Variants in PPP1R9A observed in about 807,000 individuals in gnomAD.
The protein encoded by PPP1R9A is neurabin-1.
PPP1R9A carries 59 observed loss-of-function variants against 141.9 expected under a neutral mutation model. The observed-to-expected ratio is 0.42, with a 90% CI of 0.34 to 0.52. The LOEUF is 0.52. PPP1R9A is among the 20% of genes least tolerant of loss of function. The pLI is 0.10. For missense variants in PPP1R9A, 1,444 were observed against 1,611.9 expected, an observed-to-expected ratio of 0.90 and a Z score of 1.78; for synonymous variants, 500 against 569.7, an observed-to-expected ratio of 0.88 and a Z score of 1.74.
intron 2 of PPP1R9A, among the ~76,000 whole-genome samples, chr7:95,090,866 A>G (rs1453236333): frequency 6.6e-6 from 1 of 152,024 alleles, no homozygotes; most frequent in African/African-American, 2.4e-5. Context: ...TATGATGTCT[A>G]TATGTATTTA....
intron 7 of PPP1R9A, among the ~76,000 whole-genome samples, chr7:95,215,891 G>C (rs1793288566): frequency 6.6e-6 from 1 of 152,136 alleles, no homozygotes; most frequent in Admixed American, 6.5e-5. Flanking sequence ...CAGATGAGTA[G>C]ATTGCAAAAA....
intron 2 of PPP1R9A, among the ~76,000 whole-genome samples, chr7:94,916,721 AGT>A (rs143062782): frequency 0.011 from 1,682 of 152,298 alleles, 32 homozygotes; most frequent in African/African-American, 0.039. Context: ...TTCTTTTGCA[AGT>A]GTAAATTAAT....
chr7:95,013,879 T>C (rs183717605), intron 2 of PPP1R9A, among the ~76,000 whole-genome samples: 1 of 152,266 alleles, frequency 6.6e-6, no homozygotes, highest in East Asian at 1.9e-4. Flanking sequence ...ATTTCAGATT[T>C]AAAGAAAGAT....
chr7:95,281,960 T>C (rs1470281274), intron 16 of PPP1R9A, among the ~76,000 whole-genome samples: 2 of 152,294 alleles, frequency 1.3e-5, no homozygotes, highest in Non-Finnish European at 2.9e-5. Flanking sequence ...TACCCAATTA[T>C]AAGAGTATGG....
intron 4 of PPP1R9A, among the ~76,000 whole-genome samples, chr7:95,144,936 C>T (rs923347122): frequency 1.3e-5 from 2 of 152,160 alleles, no homozygotes; most frequent in Admixed American, 1.3e-4. Context: ...GTATTTTACA[C>T]ACTAACAGTG....
At position 94,929,249 on chromosome 7, in the gene PPP1R9A, G is replaced by C. The variant is rs547738053; in HGVS notation, c.1395+17741G>C. ...TACATATTAGAATACATCTCCCAAGGAGCTTGAATTCGCTTGGGAGAGACG... is the reference window on the plus strand; with the variant it reads ...TACATATTAGAATACATCTCCCAAGCAGCTTGAATTCGCTTGGGAGAGACG... On this transcript the variant is annotated intron_variant, in intron 2 of 19. Transcript: ENST00000433360. Among the ~76,000 whole-genome samples the C allele has an allele frequency of 2.0e-5, 3 of 152,250 alleles. No homozygotes were observed. In the East Asian group the frequency reaches 5.8e-4, roughly 29 times the overall value.
chr7:94,996,692 A>G (rs1802212940), intron 2 of PPP1R9A, among the ~76,000 whole-genome samples: 1 of 151,642 alleles, frequency 6.6e-6, no homozygotes, highest in Non-Finnish European at 1.5e-5. Context: ...CTTAGGCTCT[A>G]TTAATTTTTT....
At chr7:95,141,318 T>G (rs1000803547) in intron 4 of PPP1R9A, among the ~76,000 whole-genome samples, 3 of 152,192 alleles carry the variant, frequency 2.0e-5, no homozygotes, top group Non-Finnish European at 4.4e-5. Flanking sequence ...AAAATTGTTC[T>G]CTAAGATTTA....
At chr7:95,150,194 T>C (rs192932077) in intron 4 of PPP1R9A, among the ~76,000 whole-genome samples, 437 of 151,776 alleles carry the variant, frequency 2.9e-3, no homozygotes, top group Non-Finnish European at 5.6e-3. Context: ...CCTTACACCC[T>C]TCACAAGAAT....
At chr7:95,212,212 C>T (rs1202664239) in intron 7 of PPP1R9A, among the ~76,000 whole-genome samples, 3 of 152,058 alleles carry the variant, frequency 2.0e-5, no homozygotes, top group African/African-American at 7.2e-5. Context: ...ATAAGATATA[C>T]ATCATTTCAG....
At chr7:95,145,438 C>T (rs1169130040) in intron 4 of PPP1R9A, among the ~76,000 whole-genome samples, 1 of 151,994 alleles carries the variant, frequency 6.6e-6, no homozygotes, top group Non-Finnish European at 1.5e-5. Flanking sequence ...AAAGTTAAAA[C>T]CACAAAAGGC....
At position 95,252,807 on chromosome 7, in the gene PPP1R9A, T is replaced by C. The variant is rs142270143; in HGVS notation, c.2665+677T>C. On this transcript the variant is annotated intron_variant, in intron 12 of 19. Coordinates refer to ENST00000433360, the MANE Select transcript of PPP1R9A (RefSeq NM_001166160.2). ...TTAAGTCACTAGAATAAAGATCTTT[T>C]TCATAATATCAGAAGGCAGACTGCT... Among the ~76,000 whole-genome samples, 424 of 152,296 alleles carry C rather than the reference T, an allele frequency of 2.8e-3. 2 individuals carry two copies. The highest frequency in any genetic ancestry group is 8.7e-3 in the African/African-American group (363 of 41,560).
At chr7:95,272,092 G>A (rs1349603379) in intron 14 of PPP1R9A, among the ~76,000 whole-genome samples, 1 of 152,146 alleles carries the variant, frequency 6.6e-6, no homozygotes, top group Non-Finnish European at 1.5e-5. Context: ...GCAGAATCAG[G>A]CTTTTAGTCG....
chr7:95,044,991 G>A (rs1809796077), intron 2 of PPP1R9A, among the ~76,000 whole-genome samples: 1 of 151,944 alleles, frequency 6.6e-6, no homozygotes, highest in Admixed American at 6.6e-5. Context: ...TAGAAAATGG[G>A]TTCTAGGACT....
chr7:95,203,310 AATAAT>A (rs1179706648), intron 6 of PPP1R9A, among the ~76,000 whole-genome samples: 1 of 152,128 alleles, frequency 6.6e-6, no homozygotes, highest in African/African-American at 2.4e-5. Flanking sequence ...AAAGGTATAC[AATAAT>A]ATAATATTTA....
chr7:95,168,816 A>G (rs1831665532), intron 5 of PPP1R9A, among the ~76,000 whole-genome samples: 1 of 152,120 alleles, frequency 6.6e-6, no homozygotes, highest in Admixed American at 6.6e-5. Context: ...GAGAAATGCA[A>G]AATAAAACTG....
intron 16 of PPP1R9A, among the ~76,000 whole-genome samples, chr7:95,277,898 T>C (rs1803485831): frequency 6.6e-6 from 1 of 152,234 alleles, no homozygotes; most frequent in African/African-American, 2.4e-5. Context: ...TGGAGCTCTG[T>C]AGATAAGTTT....
intron 4 of PPP1R9A, among the ~76,000 whole-genome samples, chr7:95,125,047 T>C (rs1270929880): frequency 2.6e-5 from 4 of 152,244 alleles, no homozygotes; most frequent in Non-Finnish European, 4.4e-5. Flanking sequence ...TTTTCTTTTG[T>C]CAAGCTTTTC....
chr7:95,115,506 A>G (rs1821320860), intron 3 of PPP1R9A, among the ~76,000 whole-genome samples: 1 of 152,212 alleles, frequency 6.6e-6, no homozygotes, highest in African/African-American at 2.4e-5. Context: ...TCATTGAAAT[A>G]CCATATAAGT....
Sources: allele counts gnomAD v4.1 joint callset (sites outside exome capture counted in the v4.1 genomes callset), GRCh38; gene constraint gnomAD v4.1.1; transcripts MANE v1.5; gene names NCBI Gene and HGNC (gene_info 2026-07-23, HGNC 2026-07-21).